F5: variants seen among roughly 807,000 people sequenced by gnomAD.
The protein encoded by F5 is activated protein c cofactor.
F5 carries 138 observed loss-of-function variants against 216.4 expected under a neutral mutation model. The ratio of observed to expected loss-of-function variants is 0.64; its 90% confidence interval spans 0.56 to 0.73. The LOEUF (loss-of-function observed/expected upper bound fraction) is 0.73. F5 is among the 30% of genes least tolerant of loss of function. The pLI is 0.00. For synonymous variants in F5, 916 were observed against 930.7 expected (o/e 0.98, Z 0.29); for missense variants, 2,403 against 2,674.0 (o/e 0.90, Z 2.24).
rs760795022 is a variant in F5 at position 169,555,287 on chromosome 1, T to C, written c.1013A>G (p.Lys338Arg). Residue 338 changes from lysine to arginine, a missense_variant, in exon 7 of 25, where the codon AAA (lysine) becomes AGA (arginine). Physicochemically the swap from Lys to Arg is conservative, Grantham distance 26 (BLOSUM62 2). Around this residue, in one of 4 missense-constraint regions of F5, gnomAD observed 1,425 missense variants for 1,554.8 expected, o/e 0.92. Transcript: ENST00000367797. ...NCPKKTRNLK[K>R]ITREQRRHMK... The stretch of plus-strand genomic sequence containing the variant: ...GTGCCGCCTCTGCTCACGAGTTATT[T>C]TCTTAAGATTCCTGGTTTTCTTTGG... The C allele has an allele frequency of 6.2e-7, 1 of 1,614,040 alleles. No individual in the cohort carries two copies. Among genetic ancestry groups the C allele is most frequent in the African/African-American group, 1.3e-5 (1 of 74,910 alleles).
At chr1:169,567,467 A>C (rs1660630390) in intron 3 of F5, among the ~76,000 whole-genome samples, 1 of 152,012 alleles carries the variant, frequency 6.6e-6, no homozygotes, top group African/African-American at 2.4e-5. Flanking sequence ...TGGAGGACAC[A>C]AACTTCCAAT....
chr1:169,539,784 A>G (rs892578370), intron 13 of F5, among the ~76,000 whole-genome samples: 9 of 152,208 alleles, frequency 5.9e-5, no homozygotes, highest in African/African-American at 2.2e-4. Context: ...TCATCCCAGA[A>G]CAAAGAGCCC....
intron 3 of F5, among the ~76,000 whole-genome samples, chr1:169,567,100 G>A (rs7542345): frequency 0.27 from 41,349 of 151,492 alleles, 5,986 homozygotes; most frequent in South Asian, 0.36. Flanking sequence ...GGGTTCTGGT[G>A]CAGGGTCTCT....
intron 13 of F5, among the ~76,000 whole-genome samples, chr1:169,537,315 A>G (rs573307971): frequency 6.6e-6 from 1 of 152,360 alleles, no homozygotes; most frequent in South Asian, 2.1e-4. Flanking sequence ...AGAAGGTCAC[A>G]CTTATGAAAG....
At chr1:169,555,448 T>C (rs986979440) in intron 6 of F5, 101 bp from the exon 7 acceptor site, 3 of 1,250,306 alleles carry the variant, frequency 2.4e-6, no homozygotes, top group African/African-American at 1.5e-5. Flanking sequence ...TTTATATTAA[T>C]ATAATAAGAG....
chr1:169,554,390 C>CT (rs1360592330), intron 7 of F5, among the ~76,000 whole-genome samples: 4 of 152,170 alleles, frequency 2.6e-5, no homozygotes, highest in Non-Finnish European at 4.4e-5. Context: ...TTTGCATCCT[C>CT]TTTTTTTGAT....
At chr1:169,521,783 A>ATT (rs9332652) in intron 21 of F5, among the ~76,000 whole-genome samples, 1 of 150,758 alleles carries the variant, frequency 6.6e-6, no homozygotes, top group Non-Finnish European at 1.5e-5. Flanking sequence ...ACCCTGCCTA[A>ATT]TTTTTTTTAA....
intron 3 of F5, among the ~76,000 whole-genome samples, chr1:169,563,956 T>C (rs1432403419): frequency 1.3e-5 from 2 of 152,158 alleles, no homozygotes; most frequent in Non-Finnish European, 2.9e-5. Flanking sequence ...TGAATTTACA[T>C]TGTTGTTTGT....
intron 3 of F5, 133 bp downstream of exon 3, chr1:169,572,088 A>C (rs1660737185): frequency 1.9e-6 from 2 of 1,028,982 alleles, no homozygotes; most frequent in Non-Finnish European, 2.8e-6. Flanking sequence ...TACAACAGCA[A>C]CAATTTTTAT....
At chr1:169,553,231 G>T (rs1660215115) in intron 7 of F5, among the ~76,000 whole-genome samples, 1 of 152,176 alleles carries the variant, frequency 6.6e-6, no homozygotes, top group Admixed American at 6.5e-5. Context: ...TCTCTGAGCT[G>T]ACTGAAAAGC....
Position 169,514,427 on chromosome 1 carries a change from A to G in F5, c.6561T>C (p.His2187=), listed in dbSNP as rs918191831. ...IFEGNTNTKG[H]VKNFFNPPII... Reference sequence around the variant, plus strand: ...TTGGGGGGTTGAAAAAGTTCTTCACATGTCCTTTGGTATTAGTATTTCCTT... The same window carrying G: ...TTGGGGGGTTGAAAAAGTTCTTCACGTGTCCTTTGGTATTAGTATTTCCTT... The change falls in exon 25 of 25, where the codon CAT becomes CAC. Residue 2187 remains histidine (H), a synonymous_variant. Transcript: ENST00000367797. 5.0e-6 allele frequency: 8 copies of G among 1,613,088 alleles called. No individual in the cohort carries two copies. The highest frequency in any genetic ancestry group is 5.9e-6 in the Non-Finnish European group (7 of 1,179,478).
Position 169,555,239 on chromosome 1 carries a change from A to G in F5, c.1061T>C (p.Ile354Thr), listed in dbSNP as rs373183037. 1.9e-6 allele frequency: 3 copies of G among 1,614,040 alleles called. No homozygotes were observed. The highest frequency in any genetic ancestry group is 2.5e-6 in the Non-Finnish European group (3 of 1,180,022). Reference sequence around the variant, plus strand: ...GTCCCAAATGACTTCCTCTGCAGCAATGAAGTATTCCCACCTCTTCATGTG... The same window carrying G: ...GTCCCAAATGACTTCCTCTGCAGCAGTGAAGTATTCCCACCTCTTCATGTG... ...RRHMKRWEYFIAAEEVIWDYA... is the reference protein window; with the variant it reads ...RRHMKRWEYFTAAEEVIWDYA... Residue 354 changes from isoleucine (I) to threonine (T), a missense_variant, in exon 7 of 25, where the codon ATT becomes ACT. Ile to Thr is a moderately conservative substitution (Grantham distance 89). This residue lies in a region of F5 where 1,425 missense variants were observed against 1,554.8 expected (regional missense o/e 0.92). Coordinates refer to ENST00000367797, the MANE Select transcript of F5 (RefSeq NM_000130.5).
intron 3 of F5, among the ~76,000 whole-genome samples, chr1:169,564,501 G>T (rs1290756654): frequency 6.6e-6 from 1 of 151,986 alleles, no homozygotes; most frequent in Non-Finnish European, 1.5e-5. Flanking sequence ...CATCTGGTTT[G>T]TTACTCTTCT....
At chr1:169,567,369 A>G (rs1269427440) in intron 3 of F5, among the ~76,000 whole-genome samples, 1 of 146,282 alleles carries the variant, frequency 6.8e-6, no homozygotes, top group Non-Finnish European at 1.5e-5. Flanking sequence ...TGTACCCTAA[A>G]ACTTAAAGTA....
At chr1:169,575,130 G>T (rs1398864321) in intron 2 of F5, among the ~76,000 whole-genome samples, 1 of 152,214 alleles carries the variant, frequency 6.6e-6, no homozygotes, top group Non-Finnish European at 1.5e-5. Context: ...AGTCCAATTG[G>T]AGGTGAGTTG....
At chr1:169,540,047 A>C (rs1180348010) in intron 13 of F5, among the ~76,000 whole-genome samples, 1 of 152,208 alleles carries the variant, frequency 6.6e-6, no homozygotes, top group African/African-American at 2.4e-5. Context: ...GAGAGGACAC[A>C]GAAAAATGCT....
At chr1:169,576,615 T>C (rs1660854906) in intron 2 of F5, among the ~76,000 whole-genome samples, 1 of 152,210 alleles carries the variant, frequency 6.6e-6, no homozygotes, top group South Asian at 2.1e-4. Context: ...CTTTATAGAA[T>C]AGTCCAGATG....
At chr1:169,564,042 T>TGCC (rs1270424387) in intron 3 of F5, among the ~76,000 whole-genome samples, 1 of 152,126 alleles carries the variant, frequency 6.6e-6, no homozygotes, top group Non-Finnish European at 1.5e-5. Flanking sequence ...TTTATTCTGT[T>TGCC]GCCTCCTCAG....
In F5 at chr1:169,546,610, A is replaced by G; in HGVS notation, c.1612-18T>C. 1 of 1,612,562 alleles carries G rather than the reference A, an allele frequency of 6.2e-7. No individual in the cohort carries two copies. Among genetic ancestry groups the G allele is most frequent in the Non-Finnish European group, 8.5e-7 (1 of 1,178,604 alleles). ...GCTGCCCTCTGGAGGACAAAACAGTATAGTACTGGTACAAGAACAGACGCA... is the reference window on the plus strand; with the variant it reads ...GCTGCCCTCTGGAGGACAAAACAGTGTAGTACTGGTACAAGAACAGACGCA... On this transcript the variant is annotated intron_variant, in intron 10 of 24. Coordinates refer to ENST00000367797, the MANE Select transcript of F5 (RefSeq NM_000130.5).
Sources: allele counts gnomAD v4.1 joint callset (sites outside exome capture counted in the v4.1 genomes callset), GRCh38; gene constraint gnomAD v4.1.1; regional missense constraint gnomAD v4.1.1; transcripts MANE v1.5; gene names NCBI Gene and HGNC (gene_info 2026-07-23, HGNC 2026-07-21).